Variants in PIK3C3 observed in about 807,000 individuals in gnomAD.
PIK3C3 encodes the protein phosphatidylinositol 3-kinase catalytic subunit type 3, also known as PI3-kinase type 3.
Under a neutral mutation model 126.1 loss-of-function variants are expected in PIK3C3, and 95 were observed. The ratio of observed to expected loss-of-function variants is 0.75; its 90% CI spans 0.64 to 0.89. The LOEUF (loss-of-function observed/expected upper bound fraction) is 0.89, where lower values mean the gene tolerates loss of function less well. PIK3C3 is among the 40% of genes least tolerant of loss of function. The pLI is 0.00. For synonymous variants in PIK3C3, 374 were observed against 360.0 expected (o/e 1.04, Z -0.44); for missense variants, 829 against 1,063.2 (o/e 0.78, Z 3.06).
intron 4 of PIK3C3, among the ~76,000 whole-genome samples, chr18:41,984,644 C>T (rs1381328841): frequency 1.3e-5 from 2 of 152,080 alleles, no homozygotes; most frequent in Non-Finnish European, 2.9e-5. Flanking sequence ...ATAGCTAGTT[C>T]TAGACTTTTT....
At chr18:41,975,239 G>C (rs547046121) in intron 4 of PIK3C3, among the ~76,000 whole-genome samples, 2 of 152,160 alleles carry the variant, frequency 1.3e-5, no homozygotes, top group African/African-American at 4.8e-5. Flanking sequence ...CTTGAGAATA[G>C]GTTCATGCCA....
intron 21 of PIK3C3, among the ~76,000 whole-genome samples, chr18:42,054,028 A>T (rs1256642260): frequency 6.7e-6 from 1 of 150,032 alleles, no homozygotes; most frequent in African/African-American, 2.5e-5. Flanking sequence ...AAAGCTCAAC[A>T]TAAAGAAAAA....
In PIK3C3 at chr18:41,970,517, AC is replaced by A. The variant is rs1302806243; in HGVS notation, c.531+63del. ...GACTGATGTCTATTGTAGTATATAT[AC>A]CTTGACATTATGAACTCTGTCAGAT... On this transcript the variant is annotated intron_variant, in intron 4 of 24. Transcript: ENST00000262039. 2.8e-6 allele frequency: 4 copies of A among 1,417,278 alleles called. No individual in the cohort carries two copies. In the South Asian group the frequency reaches 4.6e-5, roughly 16 times the overall value. 87.8% of individuals were successfully genotyped at this position (1,417,278 alleles called of 1,614,324 possible).
chr18:41,979,630 A>G (rs905977037), intron 4 of PIK3C3, among the ~76,000 whole-genome samples: 1 of 152,168 alleles, frequency 6.6e-6, no homozygotes, highest in Non-Finnish European at 1.5e-5. Context: ...GTTTTGAAAA[A>G]TGAAGGCATT....
At chr18:42,067,284 G>A in intron 23 of PIK3C3, 104 bp from the exon 24 acceptor site, 2 of 986,740 alleles carry the variant, frequency 2.0e-6, no homozygotes, top group Non-Finnish European at 3.1e-6. Flanking sequence ...TTTGCCATAG[G>A]AATAGCTCAT....
rs1260716329 is a variant in PIK3C3, at chr18:42,004,383, A to G, written c.1012A>G (p.Asn338Asp). The change falls in exon 10 of 25, where the codon AAT becomes GAT. Residue 338 changes from asparagine to aspartate, a missense_variant. Asn to Asp is a conservative substitution (Grantham distance 23). This residue lies in a region of PIK3C3 where 64 missense variants were observed against 118.7 expected (regional missense o/e 0.54). Transcript: ENST00000262039. ...KALTKFLKCVNWDLPQEAKQA... is the reference protein window; with the variant it reads ...KALTKFLKCVDWDLPQEAKQA... ...CTTGACAAAATTCTTGAAATGTGTT[A>G]ATTGGGATCTACCTCAAGAGGCCAA... 6 of 1,611,096 alleles carry G rather than the reference A, an allele frequency of 3.7e-6. No individual in the cohort carries two copies. The highest frequency in any genetic ancestry group is 5.1e-6 in the Non-Finnish European group (6 of 1,179,200).
At chr18:41,990,404 C>CT (rs1981716217) in intron 5 of PIK3C3, 55 bp from the exon 6 acceptor site, 1 of 999,206 alleles carries the variant, frequency 1.0e-6, no homozygotes, top group Admixed American at 1.8e-5. Flanking sequence ...CATACTGATC[C>CT]TTTAAGAGAA....
intron 17 of PIK3C3, 104 bp from the exon 18 acceptor site, chr18:42,038,677 C>G: frequency 4.3e-6 from 3 of 705,182 alleles, no homozygotes; most frequent in Non-Finnish European, 7.3e-6. Context: ...TTTAGCTTAA[C>G]TTCCTAAATC....
chr18:42,009,761 A>AATGCTTACATAATGTAAGCATTATGTC (rs1567981563), intron 10 of PIK3C3, among the ~76,000 whole-genome samples: 4 of 151,324 alleles, frequency 2.6e-5, no homozygotes, highest in Admixed American at 6.6e-5. Context: ...TACATTATGT[A>AATGCTTACATAATGTAAGCATTATGTC]ATGCTTACAT....
intron 4 of PIK3C3, among the ~76,000 whole-genome samples, chr18:41,982,698 A>G (rs143228365): frequency 2.9e-4 from 44 of 152,290 alleles, no homozygotes; most frequent in African/African-American, 1.0e-3. Context: ...ACCCCAGTCT[A>G]CCTACCACTC....
At chr18:42,018,201 T>A (rs920241552) in intron 12 of PIK3C3, among the ~76,000 whole-genome samples, 1 of 152,074 alleles carries the variant, frequency 6.6e-6, no homozygotes, top group African/African-American at 2.4e-5. Flanking sequence ...GATCTTTTTT[T>A]ATAAAGCACT....
intron 5 of PIK3C3, among the ~76,000 whole-genome samples, chr18:41,988,795 C>G (rs1981625156): frequency 6.6e-6 from 1 of 151,994 alleles, no homozygotes; most frequent in African/African-American, 2.4e-5. Flanking sequence ...TAATACATTC[C>G]TATATACATA....
intron 18 of PIK3C3, 64 bp from the exon 19 acceptor site, chr18:42,040,613 G>T (rs1984268740): frequency 1.8e-6 from 2 of 1,114,480 alleles, no homozygotes; most frequent in Non-Finnish European, 2.7e-6. Flanking sequence ...ATTCTTAGCA[G>T]AACCTTTATT....
intron 12 of PIK3C3, among the ~76,000 whole-genome samples, chr18:42,018,684 C>A (rs757345416): frequency 5.9e-5 from 9 of 152,038 alleles, no homozygotes; most frequent in Non-Finnish European, 1.0e-4. Context: ...ATCTGTTGAT[C>A]CCTACTCTTT....
intron 7 of PIK3C3, among the ~76,000 whole-genome samples, chr18:41,994,221 G>C (rs367573581): frequency 1.3e-5 from 2 of 152,060 alleles, no homozygotes; most frequent in Admixed American, 6.6e-5. Context: ...AAGTTAAAAA[G>C]AAAAGGCCAC....
At chr18:41,996,771 C>A in intron 9 of PIK3C3, 41 bp downstream of exon 9, 3 of 984,312 alleles carry the variant, frequency 3.0e-6, no homozygotes, top group South Asian at 1.5e-5. Flanking sequence ...ATTTATCTAC[C>A]AACTTTGTTA....
At chr18:41,961,917 G>A (rs1158261590) in intron 2 of PIK3C3, among the ~76,000 whole-genome samples, 1 of 152,100 alleles carries the variant, frequency 6.6e-6, no homozygotes, top group East Asian at 1.9e-4. Flanking sequence ...AGCACTAATA[G>A]CTTAATGTTA....
At chr18:42,063,106 G>T (rs1985389260) in intron 22 of PIK3C3, among the ~76,000 whole-genome samples, 1 of 152,094 alleles carries the variant, frequency 6.6e-6, no homozygotes, top group African/African-American at 2.4e-5. Flanking sequence ...CTTAAACTTA[G>T]TTGCTTCTCA....
At chr18:42,065,221 G>T (rs577854567) in intron 23 of PIK3C3, among the ~76,000 whole-genome samples, 4 of 152,016 alleles carry the variant, frequency 2.6e-5, no homozygotes, top group Admixed American at 2.6e-4. Flanking sequence ...ATAACTAGAT[G>T]TGTGAATAAA....
Sources: gnomAD v4.1 joint callset for allele counts (sites outside exome capture counted in the v4.1 genomes callset) on GRCh38, gnomAD v4.1.1 for gene constraint, gnomAD v4.1.1 regional missense constraint, MANE v1.5 for transcripts, NCBI Gene and HGNC (gene_info 2026-07-23, HGNC 2026-07-21) for gene names.